PELP1: variants seen among roughly 807,000 people sequenced by gnomAD.
PELP1 encodes proline-, glutamic acid- and leucine-rich protein 1.
Under a neutral mutation model 95.5 loss-of-function variants are expected in PELP1, and 32 were observed. That is an observed-to-expected ratio of 0.34 (90% CI 0.25 to 0.45). The LOEUF (loss-of-function observed/expected upper bound fraction) is 0.45, where lower values mean the gene tolerates loss of function less well. Ranked by LOEUF, PELP1 falls within the 20% of genes least tolerant of loss-of-function variation. The pLI is 1.00. For synonymous variants in PELP1, 668 were observed against 600.1 expected (o/e 1.11, Z -1.65); for missense variants, 1,358 against 1,444.8 (o/e 0.94, Z 0.97).
Position 4,676,825 on chromosome 17 carries a change from G to GA in PELP1, c.643-14dup. Reference sequence around the variant, plus strand: ...AGGCCAGCTTGCCCTGGATGTGGAGGAAAAAAGGAAGAGGCCAGTGAGCCA... The same window carrying GA: ...AGGCCAGCTTGCCCTGGATGTGGAGGAAAAAAAGGAAGAGGCCAGTGAGCCA... On this transcript the variant is annotated splice_polypyrimidine_tract_variant and intron_variant, in intron 5 of 16. Coordinates refer to ENST00000572293, the MANE Select transcript of PELP1 (RefSeq NM_014389.3). 6.4e-7 allele frequency: 1 copy of GA among 1,555,676 alleles called. No homozygotes were observed. The highest frequency in any genetic ancestry group is 8.7e-7 in the Non-Finnish European group (1 of 1,148,738).
chr17:4,681,582 A>G (rs916235643), intron 5 of PELP1, among the ~76,000 whole-genome samples: 4 of 151,936 alleles, frequency 2.6e-5, no homozygotes, highest in Non-Finnish European at 5.9e-5. Context: ...CGGGCGGATC[A>G]CAAAGTCAAG....
chr17:4,674,611 G>C lies in PELP1; in HGVS notation c.1481C>G (p.Pro494Arg), dbSNP rs1264914461. The C allele has an allele frequency of 6.8e-6, 11 of 1,608,222 alleles. No homozygotes were observed. In the South Asian group the frequency reaches 1.2e-4, roughly 18 times the overall value. Reference sequence around the variant, plus strand: ...CCCCACATCCAGCTTTAGCTTCTTGGGGGCGCTAGGCTTCCCAGTCTGCAA... The same window carrying C: ...CCCCACATCCAGCTTTAGCTTCTTGCGGGCGCTAGGCTTCCCAGTCTGCAA... Reference protein sequence around the residue: ...GSLQTGKPSAPKKLKLDVGEA... With the variant: ...GSLQTGKPSARKKLKLDVGEA... Residue 494 changes from proline to arginine, a missense_variant, in exon 13 of 17, where the codon CCC becomes CGC. Physicochemically the swap from Pro to Arg is moderately radical, Grantham distance 103 (BLOSUM62 -2). Coordinates refer to ENST00000572293, the MANE Select transcript of PELP1 (RefSeq NM_014389.3).
At chr17:4,694,339 C>T (rs576323114) in intron 1 of PELP1, among the ~76,000 whole-genome samples, 33 of 151,830 alleles carry the variant, frequency 2.2e-4, no homozygotes, top group Admixed American at 5.3e-4. Flanking sequence ...ACTAAATCCA[C>T]GGAATTGTAT....
intron 1 of PELP1, among the ~76,000 whole-genome samples, chr17:4,700,958 GAAAAAGAGAAAGAAAGAAAAA>G (rs1913501887): frequency 1.5e-4 from 3 of 20,148 alleles, no homozygotes; most frequent in Non-Finnish European, 2.9e-4. Context: ...GAAAAGAAAA[GAAAAAGAGAAAGAAAGAAAAA>G]GCAAAGTTCC....
intron 1 of PELP1, among the ~76,000 whole-genome samples, chr17:4,695,556 C>A (rs1913263696): frequency 6.7e-6 from 1 of 150,052 alleles, no homozygotes; most frequent in African/African-American, 2.5e-5. Flanking sequence ...GTCCCAGCTA[C>A]TCGGGAGGCT....
intron 1 of PELP1, among the ~76,000 whole-genome samples, chr17:4,693,952 C>T (rs935348365): frequency 6.6e-6 from 1 of 152,156 alleles, no homozygotes; most frequent in Admixed American, 6.5e-5. Flanking sequence ...GTCCCAGCTA[C>T]TTGGGAGGCT....
At position 4,675,297 on chromosome 17, in the gene PELP1, G is replaced by C; in HGVS notation, c.1134C>G (p.Asp378Glu). The change falls in exon 10 of 17, where the codon GAC (aspartate) becomes GAG (glutamate). Residue 378 changes from aspartate (D) to glutamate (E), a missense_variant. Around this residue, in one of 7 missense-constraint regions of PELP1, gnomAD observed 538 missense variants for 628.1 expected, o/e 0.86. Transcript: ENST00000572293. The surrounding 1 kb of genome is among the most constrained non-coding windows in gnomAD (Gnocchi z 4.3). The stretch of plus-strand genomic sequence containing the variant: ...ACGCGAGGATGAGTGCAGACAGCAG[G>C]TCCAAGGCCTCAAGGTGGATAGAGG... ...LLPSIHLEAL[D>E]LLSALILACG... 6.4e-7 allele frequency: 1 copy of C among 1,571,624 alleles called. No individual in the cohort carries two copies. Among genetic ancestry groups the C allele is most frequent in the South Asian group, 1.2e-5 (1 of 85,810 alleles).
At chr17:4,692,622 A>G (rs1370343188) in intron 1 of PELP1, among the ~76,000 whole-genome samples, 1 of 152,202 alleles carries the variant, frequency 6.6e-6, no homozygotes, top group South Asian at 2.1e-4. Flanking sequence ...ACTCCAAGGA[A>G]AAATAAAGCA....
At chr17:4,683,044 C>A (rs1362730073) in intron 3 of PELP1, 92 bp from the exon 4 acceptor site, 1 of 1,375,788 alleles carries the variant, frequency 7.3e-7, no homozygotes, top group African/African-American at 1.5e-5. Context: ...TGAGGAATGC[C>A]ACGGTTAATG....
chr17:4,693,851 G>A (rs1201650782), intron 1 of PELP1, among the ~76,000 whole-genome samples: 2 of 152,182 alleles, frequency 1.3e-5, no homozygotes, highest in African/African-American at 4.8e-5. Flanking sequence ...TAAAACCATG[G>A]AAAGGGAAAG....
rs1327184221 is a variant in PELP1 at position 4,675,025 on chromosome 17, AC to A, written c.1274+53del. 6.2e-7 allele frequency: 1 copy of A among 1,605,408 alleles called. No individual in the cohort carries two copies. Among genetic ancestry groups the A allele is most frequent in the East Asian group, 2.2e-5 (1 of 44,652 alleles). ...ATGCCAGAAGCCCCAGCCCACCTGC[AC>A]CCCCTCACCCCCCTCTCCTCTTTAT... is the stretch of plus-strand genomic sequence containing the variant. On this transcript the variant is annotated intron_variant, in intron 11 of 16. Coordinates refer to ENST00000572293, the MANE Select transcript of PELP1 (RefSeq NM_014389.3). The surrounding 1 kb of genome is among the most constrained non-coding windows in gnomAD (Gnocchi z 4.3).
In PELP1 at chr17:4,669,836, A is replaced by G. The variant is rs1912128779; in HGVS notation, c.*1603T>C. 6.6e-6 allele frequency: 1 copy of G among 151,910 alleles called. No individual in the cohort carries two copies. The highest frequency in any genetic ancestry group is 1.5e-5 in the Non-Finnish European group (1 of 67,964). 9.4% of individuals were successfully genotyped at this position (151,910 alleles called of 1,614,324 possible). A position where few individuals can be genotyped will look rare whatever the true frequency, so the allele number is the denominator to read the frequency against. ...TCACTGGATTACTGTTATTTTTCTT[A>G]GGTTTGATAATGGTATCAGGATTGT... is the stretch of plus-strand genomic sequence containing the variant. On this transcript the variant is annotated 3_prime_UTR_variant, in exon 17 of 17. Coordinates refer to ENST00000572293, the MANE Select transcript of PELP1 (RefSeq NM_014389.3).
At chr17:4,689,845 G>A (rs1913032032) in intron 3 of PELP1, among the ~76,000 whole-genome samples, 1 of 152,174 alleles carries the variant, frequency 6.6e-6, no homozygotes, top group South Asian at 2.1e-4. Context: ...AGCCAACATG[G>A]TGAAACCCCA....
In PELP1 at chr17:4,673,559, C is replaced by G. The variant is rs527580148; in HGVS notation, c.1638+60G>C. The G allele has an allele frequency of 8.2e-6, 13 of 1,579,248 alleles. No homozygotes were observed. The East Asian group carries it at 8.9e-5, about 11-fold the overall frequency. On this transcript the variant is annotated intron_variant, in intron 14 of 16. Coordinates refer to ENST00000572293, the MANE Select transcript of PELP1 (RefSeq NM_014389.3). This position sits in a 1 kb window ranked among gnomAD's most constrained non-coding sequence, Gnocchi z 5.7. ...TGGACCCACCTCTGGGCCACACCCC[C>G]CAATGTGTACAGAGCAGGGGCCCCT...
intron 3 of PELP1, among the ~76,000 whole-genome samples, chr17:4,685,769 G>C (rs1351895843): frequency 7.5e-6 from 1 of 132,646 alleles, no homozygotes; most frequent in Non-Finnish European, 1.6e-5. Context: ...TTCTAGCCCA[G>C]GTGACAAAAT....
chr17:4,674,734 A>C, intron 12 of PELP1, 65 bp from the exon 13 acceptor site: 1 of 1,587,132 alleles, frequency 6.3e-7, no homozygotes. Flanking sequence ...GCCACAGCAG[A>C]CAGTGTTTCC....
chr17:4,679,160 G>A (rs1912606424), intron 5 of PELP1, among the ~76,000 whole-genome samples: 1 of 151,984 alleles, frequency 6.6e-6, no homozygotes, highest in Non-Finnish European at 1.5e-5. Flanking sequence ...TAAGTAGCTG[G>A]AACCACAGGC....
At chr17:4,684,017 G>C (rs1388795940) in intron 3 of PELP1, among the ~76,000 whole-genome samples, 1 of 151,746 alleles carries the variant, frequency 6.6e-6, no homozygotes, top group Non-Finnish European at 1.5e-5. Context: ...ACCATAACAA[G>C]ACTGTGCCAT....
At chr17:4,692,894 C>T (rs1386278002) in intron 1 of PELP1, among the ~76,000 whole-genome samples, 2 of 151,998 alleles carry the variant, frequency 1.3e-5, no homozygotes, top group Non-Finnish European at 2.9e-5. Flanking sequence ...CCTGTCATCC[C>T]AGCTACTCGG....
Sources: gnomAD v4.1 joint callset for allele counts (sites outside exome capture counted in the v4.1 genomes callset) on GRCh38, gnomAD v4.1.1 for gene constraint, gnomAD v4.1.1 regional missense constraint, Gnocchi (gnomAD v3.1) non-coding constraint, MANE v1.5 for transcripts, NCBI Gene and HGNC (gene_info 2026-07-23, HGNC 2026-07-21) for gene names.